ARHGEF28: variants seen among roughly 807,000 people sequenced by gnomAD.
ARHGEF28 encodes 190 kDa guanine nucleotide exchange factor.
A neutral mutation model predicts 206.6 loss-of-function variants in ARHGEF28; 152 were observed. That is an observed-to-expected ratio of 0.74 (90% CI 0.64 to 0.84). ARHGEF28 has a LOEUF of 0.84. Ranked by LOEUF, ARHGEF28 falls within the 40% of genes least tolerant of loss-of-function variation. The pLI is 0.00. For synonymous variants in ARHGEF28, 763 were observed against 776.4 expected, an observed-to-expected ratio of 0.98 and a Z score of 0.29; for missense variants, 2,028 against 2,073.2, an observed-to-expected ratio of 0.98 and a Z score of 0.42.
chr5:73,823,139 C>T (rs1756698152), intron 9 of ARHGEF28, among the ~76,000 whole-genome samples: 1 of 152,180 alleles, frequency 6.6e-6, no homozygotes, highest in African/African-American at 2.4e-5. Flanking sequence ...ATAACCTGGG[C>T]AGGTTAATCA....
intron 22 of ARHGEF28, among the ~76,000 whole-genome samples, chr5:73,877,970 G>C (rs1760639480): frequency 6.6e-6 from 1 of 152,110 alleles, no homozygotes; most frequent in Non-Finnish European, 1.5e-5. Flanking sequence ...TTCAATTCCT[G>C]GGTATCCTTG....
At position 73,791,489 on chromosome 5, in the gene ARHGEF28, G is replaced by C. The variant is rs180816000; in HGVS notation, c.911-2913G>C. On this transcript the variant is annotated intron_variant, in intron 7 of 35. Coordinates refer to ENST00000513042, the MANE Select transcript of ARHGEF28 (RefSeq NM_001177693.2). ...GTTAACAAGACAACACTGGTGGTCT[G>C]GCTGCGTCTGACCACGATTCTTCTG... Among the ~76,000 whole-genome samples, 383 of 152,270 alleles carry C rather than the reference G, an allele frequency of 2.5e-3. 5 individuals are homozygous for C. Among genetic ancestry groups the C allele is most frequent in the African/African-American group, 8.6e-3 (357 of 41,554 alleles).
At chr5:73,774,525 A>T (rs1399830535) in intron 5 of ARHGEF28, among the ~76,000 whole-genome samples, 1 of 152,210 alleles carries the variant, frequency 6.6e-6, no homozygotes, top group African/African-American at 2.4e-5. Flanking sequence ...TGTTGAAAGG[A>T]TATAAATCTT....
chr5:73,802,282 G>T (rs1052745365), intron 9 of ARHGEF28, among the ~76,000 whole-genome samples: 2 of 152,250 alleles, frequency 1.3e-5, no homozygotes, highest in Admixed American at 1.3e-4. Context: ...CTGTCACAGG[G>T]TCATTTGTTG....
chr5:73,828,955 G>A (rs1412596688), intron 9 of ARHGEF28, among the ~76,000 whole-genome samples: 1 of 152,076 alleles, frequency 6.6e-6, no homozygotes, highest in Non-Finnish European at 1.5e-5. Flanking sequence ...TGAGTAGCTG[G>A]GACTACAGGT....
chr5:73,646,170 T>C (rs1744409830), intron 1 of ARHGEF28, among the ~76,000 whole-genome samples: 1 of 152,208 alleles, frequency 6.6e-6, no homozygotes, highest in Non-Finnish European at 1.5e-5. Context: ...CTCTTCTTTA[T>C]TCCCTGGGAT....
At chr5:73,787,358 T>C (rs4401557) in intron 7 of ARHGEF28, among the ~76,000 whole-genome samples, 95,351 of 152,106 alleles carry the variant, frequency 0.63, 31,458 homozygotes, top group African/African-American at 0.86. Flanking sequence ...TACGCAGCCC[T>C]AGGAAATGAT....
intron 13 of ARHGEF28, among the ~76,000 whole-genome samples, chr5:73,851,459 T>G (rs1355496749): frequency 6.6e-6 from 1 of 152,114 alleles, no homozygotes; most frequent in Non-Finnish European, 1.5e-5. Flanking sequence ...ATTTTTGATG[T>G]TTGTATACAT....
chr5:73,911,735 C>G (rs1762920007), intron 35 of ARHGEF28, 160 bp downstream of exon 35: 2 of 767,380 alleles, frequency 2.6e-6, no homozygotes, highest in Non-Finnish European at 4.1e-6. Context: ...TTGGGGAAGT[C>G]TGGGGACAGC....
At chr5:73,904,121 TA>T (rs1762419707) in intron 31 of ARHGEF28, 100 bp from the exon 32 acceptor site, 1 of 1,151,080 alleles carries the variant, frequency 8.7e-7, no homozygotes, top group African/African-American at 1.5e-5. Flanking sequence ...AGTTTAGAGA[TA>T]GCAAAGTGAT....
At chr5:73,807,541 A>G (rs893671612) in intron 9 of ARHGEF28, among the ~76,000 whole-genome samples, 1 of 151,064 alleles carries the variant, frequency 6.6e-6, no homozygotes, top group African/African-American at 2.4e-5. Flanking sequence ...CTGGAGTGCA[A>G]TGGTGTGATC....
At chr5:73,762,478 AAAC>A (rs1286984935) in intron 4 of ARHGEF28, among the ~76,000 whole-genome samples, 15 of 149,284 alleles carry the variant, frequency 1.0e-4, no homozygotes, top group Admixed American at 7.3e-4. Context: ...AAAAAAAACA[AAAC>A]AACAACAACA....
rs1038106700 is a variant in ARHGEF28, at chr5:73,904,138, C to T, written c.4075-84C>T. On this transcript the variant is annotated intron_variant, in intron 31 of 35. Transcript: ENST00000513042. ...TTTAGAGATAGCAAAGTGATTTACCCAAGGTCATACATTTTGGGACACTGC... is the reference window on the plus strand; with the variant it reads ...TTTAGAGATAGCAAAGTGATTTACCTAAGGTCATACATTTTGGGACACTGC... 7.4e-6 allele frequency: 10 copies of T among 1,350,164 alleles called. No homozygotes were observed. In the African/African-American group the frequency reaches 1.3e-4, roughly 18 times the overall value. The allele number at this position is 1,350,164 out of a possible 1,614,324, so 83.6% of individuals were successfully genotyped here.
intron 35 of ARHGEF28, among the ~76,000 whole-genome samples, chr5:73,940,296 G>T (rs1742520827): frequency 6.6e-6 from 1 of 152,224 alleles, no homozygotes; most frequent in African/African-American, 2.4e-5. Context: ...GAACCTGGCT[G>T]CTCTTGCTGA....
rs369942931 is a variant in ARHGEF28 at position 73,765,066 on chromosome 5, C to T, written c.476-8789C>T. Among the ~76,000 whole-genome samples, 5 of 152,000 alleles carry T rather than the reference C, an allele frequency of 3.3e-5. No homozygotes were observed. The East Asian group carries it at 9.6e-4, about 29-fold the overall frequency. ...ATCTGTAAATTTTCATATCATGATA[C>T]ATGATGTAGGTTGAATTAATTTAAC... On this transcript the variant is annotated intron_variant, in intron 4 of 35. Coordinates refer to ENST00000513042, the MANE Select transcript of ARHGEF28 (RefSeq NM_001177693.2).
intron 35 of ARHGEF28, among the ~76,000 whole-genome samples, chr5:73,920,881 G>A (rs1185360412): frequency 6.6e-6 from 1 of 152,174 alleles, no homozygotes; most frequent in Non-Finnish European, 1.5e-5. Context: ...TGCTGTCGCT[G>A]TAGGAAGATG....
chr5:73,789,587 TG>T (rs1472465910), intron 7 of ARHGEF28, among the ~76,000 whole-genome samples: 1 of 152,208 alleles, frequency 6.6e-6, no homozygotes, highest in East Asian at 1.9e-4. Flanking sequence ...TTAATAAAGC[TG>T]TCATAAAAAC....
chr5:73,649,151 G>A (rs1194113532), intron 1 of ARHGEF28, among the ~76,000 whole-genome samples: 1 of 152,204 alleles, frequency 6.6e-6, no homozygotes, highest in African/African-American at 2.4e-5. Flanking sequence ...AGAGTCATAA[G>A]CTGAGTTGCT....
chr5:73,715,113 T>C (rs761925662), intron 2 of ARHGEF28, among the ~76,000 whole-genome samples: 13 of 152,230 alleles, frequency 8.5e-5, no homozygotes, highest in African/African-American at 7.2e-5. Context: ...GAGCTCTTAA[T>C]TGCAAGCAAC....
Sources: gnomAD v4.1 joint callset for allele counts (sites outside exome capture counted in the v4.1 genomes callset) on GRCh38, gnomAD v4.1.1 for gene constraint, MANE v1.5 for transcripts, NCBI Gene and HGNC (gene_info 2026-07-23, HGNC 2026-07-21) for gene names.